D2HGDH: variants seen among roughly 807,000 people sequenced by gnomAD.
D2HGDH encodes the protein D-2-hydroxyglutarate dehydrogenase.
In D2HGDH, 31 loss-of-function variants were observed where a neutral mutation model predicts 46.9. That is an observed-to-expected ratio of 0.66 (90% CI 0.50 to 0.89). The LOEUF (loss-of-function observed/expected upper bound fraction) is 0.89. Ranked by LOEUF, D2HGDH falls within the 40% of genes least tolerant of loss-of-function variation. The pLI is 0.00. For missense variants in D2HGDH, 698 were observed against 720.8 expected (o/e 0.97, Z 0.36); for synonymous variants, 364 against 332.6 (o/e 1.09, Z -1.03).
intron 9 of D2HGDH, among the ~76,000 whole-genome samples, chr2:241,763,717 T>G (rs1020462184): frequency 6.6e-6 from 1 of 152,202 alleles, no homozygotes; most frequent in Non-Finnish European, 1.5e-5. Flanking sequence ...AACGTTGTTA[T>G]GAAGCGTGAC....
intron 6 of D2HGDH, among the ~76,000 whole-genome samples, chr2:241,746,361 A>G (rs552791745): frequency 9.5e-4 from 144 of 152,026 alleles, no homozygotes; most frequent in Non-Finnish European, 1.5e-3. Context: ...ATTGAGTTTT[A>G]CATTTTGATT....
chr2:241,750,331 A>G, intron 7 of D2HGDH, 37 bp downstream of exon 7: 1 of 1,386,080 alleles, frequency 7.2e-7, no homozygotes, highest in Non-Finnish European at 9.6e-7. Context: ...CTGGTCCTGC[A>G]GCTCCTTCTG....
chr2:241,754,099 T>C (rs111734424), intron 8 of D2HGDH, among the ~76,000 whole-genome samples: 14,161 of 152,044 alleles, frequency 0.093, 858 homozygotes, highest in East Asian at 0.21. Flanking sequence ...AGATGGTGGG[T>C]GTGGAGCTGA....
chr2:241,758,059 G>GT (rs1698361844), intron 9 of D2HGDH, among the ~76,000 whole-genome samples: 1 of 152,164 alleles, frequency 6.6e-6, no homozygotes, highest in African/African-American at 2.4e-5. Flanking sequence ...AATCAGTGTG[G>GT]TAAGTTACAC....
chr2:241,746,682 G>A (rs1695942163), intron 6 of D2HGDH, among the ~76,000 whole-genome samples: 1 of 152,230 alleles, frequency 6.6e-6, no homozygotes, highest in Admixed American at 6.5e-5. Context: ...GAGGTCAGGA[G>A]TTTGAGACCA....
chr2:241,755,460 C>T, intron 8 of D2HGDH: 1 of 1,317,046 alleles, frequency 7.6e-7, no homozygotes, highest in South Asian at 1.2e-5. Context: ...TGTGCCGTGT[C>T]ATGACCTGAA....
chr2:241,742,283 A>C lies in D2HGDH; in HGVS notation c.351-152A>C. On this transcript the variant is annotated intron_variant, in intron 3 of 9. Transcript: ENST00000321264. This position sits in a 1 kb window ranked among gnomAD's most constrained non-coding sequence, Gnocchi z 4.8. ...TCTGTCCTTCCTCAGAATCCCTCACATGCGTGGGCTGGGGAGGAGCCCCCG... is the reference window on the plus strand; with the variant it reads ...TCTGTCCTTCCTCAGAATCCCTCACCTGCGTGGGCTGGGGAGGAGCCCCCG... 2 of 1,024,608 alleles carry C rather than the reference A, an allele frequency of 2.0e-6. No individual in the cohort carries two copies. The highest frequency in any genetic ancestry group is 5.3e-5 in the East Asian group (2 of 37,990). 63.5% of individuals were successfully genotyped at this position (1,024,608 alleles called of 1,614,324 possible).
chr2:241,763,275 G>C (rs978438622), intron 9 of D2HGDH, among the ~76,000 whole-genome samples: 1 of 152,232 alleles, frequency 6.6e-6, no homozygotes, highest in Non-Finnish European at 1.5e-5. Context: ...CCACACCAAG[G>C]CTGTGTGGTG....
In D2HGDH at chr2:241,735,348, A is replaced by G; in HGVS notation, c.124A>G (p.Thr42Ala). ...ARRGCCSAPG[T>A]PEVPLTRERY... ...CAGAGGCTGCTGCTCCGCCCCGGGG[A>G]CCCCCGAGGTGCCGCTGACCCGGGA... The change falls in exon 2 of 10, where the codon ACC (threonine) becomes GCC (alanine). Residue 42 changes from threonine to alanine, a missense_variant. Transcript: ENST00000321264. The G allele has an allele frequency of 1.3e-6, 2 of 1,556,446 alleles. No individual in the cohort carries two copies. The highest frequency in any genetic ancestry group is 1.9e-5 in the Admixed American group (1 of 51,476).
chr2:241,744,976 C>G, intron 6 of D2HGDH, 99 bp downstream of exon 6: 1 of 1,512,196 alleles, frequency 6.6e-7, no homozygotes, highest in Non-Finnish European at 9.1e-7. Context: ...GGAGGGACCC[C>G]CCGCCAAGGA....
At chr2:241,762,771 C>T (rs530990751) in intron 9 of D2HGDH, among the ~76,000 whole-genome samples, 15 of 152,232 alleles carry the variant, frequency 9.9e-5, no homozygotes, top group South Asian at 4.1e-4. Context: ...ATTTCATCTC[C>T]GGAAGATTGG....
chr2:241,748,889 G>A (rs1329149392), intron 6 of D2HGDH: 1 of 1,299,284 alleles, frequency 7.7e-7, no homozygotes, highest in Non-Finnish European at 1.0e-6. Context: ...CCCGCCTGTG[G>A]TCCTGGGAGC....
rs766515958 is a variant in D2HGDH at position 241,743,659 on chromosome 2, G to T, written c.528G>T (p.Glu176Asp). 2 of 1,613,974 alleles carry T rather than the reference G, an allele frequency of 1.2e-6. No homozygotes were observed. Among genetic ancestry groups the T allele is most frequent in the South Asian group, 1.1e-5 (1 of 91,044 alleles). ...GCCAGGCGGGCTGCGTCCTGGAGGA[G>T]CTGAGCCGGTATGTGGAGGAACGGG... is the stretch of plus-strand genomic sequence containing the variant. ...LVCQAGCVLE[E>D]LSRYVEERDF... The change falls in exon 5 of 10, where the codon GAG (glutamate) becomes GAT (aspartate). Residue 176 changes from glutamate (E) to aspartate (D), a missense_variant. By Grantham distance (45) the Glu-to-Asp change is conservative. Coordinates refer to ENST00000321264, the MANE Select transcript of D2HGDH (RefSeq NM_152783.5). The surrounding 1 kb of genome is among the most constrained non-coding windows in gnomAD (Gnocchi z 4.8).
chr2:241,768,156 G>T lies in D2HGDH; in HGVS notation c.*187G>T. 2.2e-6 allele frequency: 2 copies of T among 919,064 alleles called. No individual in the cohort carries two copies. The highest frequency in any genetic ancestry group is 2.7e-5 in the East Asian group (1 of 37,260). The allele number at this position is 919,064 out of a possible 1,614,324, so 56.9% of individuals were successfully genotyped here. A position where few individuals can be genotyped will look rare whatever the true frequency, so the allele number is the denominator to read the frequency against. On this transcript the variant is annotated 3_prime_UTR_variant, in exon 10 of 10. Coordinates refer to ENST00000321264, the MANE Select transcript of D2HGDH (RefSeq NM_152783.5). The stretch of plus-strand genomic sequence containing the variant: ...CTCGGGCAGGAGCATCTGGCAGAGT[G>T]GGGGGCGTGGCAGGCACCCTCCTTT...
intron 2 of D2HGDH, chr2:241,735,908 G>A: frequency 3.9e-6 from 1 of 253,722 alleles, no homozygotes; most frequent in Non-Finnish European, 7.8e-6. Context: ...GACTACAGGC[G>A]CCCGCCACCA....
chr2:241,758,394 G>C (rs925004072), intron 9 of D2HGDH, among the ~76,000 whole-genome samples: 1 of 152,056 alleles, frequency 6.6e-6, no homozygotes, highest in East Asian at 1.9e-4. Context: ...TTCTAGATTG[G>C]TATTGCTAAT....
chr2:241,734,926 C>T, intron 1 of D2HGDH: 2 of 367,900 alleles, frequency 5.4e-6, no homozygotes, highest in Middle Eastern at 6.9e-4. Flanking sequence ...AAGGTCCCGG[C>T]GAGGCCGCCC....
rs753004727 is a variant in D2HGDH at position 241,750,134 on chromosome 2, G to T, written c.854-17G>T. 5 of 1,613,720 alleles carry T rather than the reference G, an allele frequency of 3.1e-6. No individual in the cohort carries two copies. The highest frequency in any genetic ancestry group is 4.2e-6 in the Non-Finnish European group (5 of 1,180,040). On this transcript the variant is annotated splice_polypyrimidine_tract_variant and intron_variant, in intron 6 of 9. Coordinates refer to ENST00000321264, the MANE Select transcript of D2HGDH (RefSeq NM_152783.5). ...TTTAGCTCCGTGTGGTGCTTGACAT[G>T]CTGTGACCCGTTTCAGGCTGCCCAG...
chr2:241,767,612 G>A, intron 9 of D2HGDH, 98 bp from the exon 10 acceptor site: 1 of 1,554,898 alleles, frequency 6.4e-7, no homozygotes, highest in South Asian at 1.1e-5. Flanking sequence ...GGGTCTCGGG[G>A]TTGCTGGGGA....
Sources: allele counts gnomAD v4.1 joint callset (sites outside exome capture counted in the v4.1 genomes callset), GRCh38; gene constraint gnomAD v4.1.1; non-coding constraint Gnocchi (gnomAD v3.1); transcripts MANE v1.5; gene names NCBI Gene and HGNC (gene_info 2026-07-23, HGNC 2026-07-21).